Variants in ABCG8 observed in about 807,000 individuals in gnomAD.
ABCG8 encodes the protein ATP binding cassette subfamily G member 8, also known as ATP-binding cassette sub-family G member 8.
Under a neutral mutation model 71.3 loss-of-function variants are expected in ABCG8, and 81 were observed. That is an observed-to-expected ratio of 1.14 (90% CI 0.95 to 1.37). The LOEUF (loss-of-function observed/expected upper bound fraction) is 1.37, where lower values mean the gene tolerates loss of function less well. ABCG8 is among the 40% of genes most tolerant of loss of function. The probability of loss-of-function intolerance (pLI) is 0.00; values close to 1 mark genes in which losing one functional copy is unlikely to be tolerated. For synonymous variants in ABCG8, 451 were observed against 354.7 expected, an observed-to-expected ratio of 1.27 and a Z score of -3.05; for missense variants, 1,119 against 866.2, an observed-to-expected ratio of 1.29 and a Z score of -3.66.
intron 6 of ABCG8, among the ~76,000 whole-genome samples, chr2:43,853,538 G>T (rs1049910456): frequency 2.0e-5 from 3 of 151,256 alleles, no homozygotes; most frequent in Admixed American, 2.0e-4. Flanking sequence ...AGCTGTCATG[G>T]CTTATGCTAT....
At position 43,851,651 on chromosome 2, in the gene ABCG8, C is replaced by G; in HGVS notation, c.390C>G (p.Gly130=). Residue 130 remains glycine (G), a synonymous_variant, in exon 4 of 13, where the codon GGC becomes GGG. Transcript: ENST00000272286. ...GTCACGGCGGCAAGATCAAGTCAGG[C>G]CAGATCTGGATCAATGGGCAGCCCA... ...GRGHGGKIKS[G]QIWINGQPSS... 6.2e-7 allele frequency: 1 copy of G among 1,614,210 alleles called. No individual in the cohort carries two copies.
chr2:43,846,957 G>C (rs1306425010), intron 3 of ABCG8: 2 of 171,894 alleles, frequency 1.2e-5, no homozygotes, highest in Admixed American at 5.5e-5. Context: ...CTACTCCTCA[G>C]TGTGTCTAGA....
At chr2:43,867,745 C>A (rs537927708) in intron 6 of ABCG8, among the ~76,000 whole-genome samples, 2 of 150,654 alleles carry the variant, frequency 1.3e-5, no homozygotes, top group South Asian at 2.1e-4. Context: ...AATTCTCACC[C>A]TCTGGATAGA....
At chr2:43,852,036 C>T (rs1668935862) in intron 4 of ABCG8, among the ~76,000 whole-genome samples, 1 of 152,252 alleles carries the variant, frequency 6.6e-6, no homozygotes. Flanking sequence ...TGGTTCCCTT[C>T]ACTGCACTTG....
chr2:43,867,731 A>G (rs558543023), intron 6 of ABCG8, among the ~76,000 whole-genome samples: 2 of 152,240 alleles, frequency 1.3e-5, no homozygotes, highest in South Asian at 4.1e-4. Flanking sequence ...ATCAATCTGG[A>G]TAGAATTCTC....
chr2:43,841,853 C>T (rs542370580), intron 1 of ABCG8, among the ~76,000 whole-genome samples: 3 of 152,196 alleles, frequency 2.0e-5, no homozygotes, highest in Non-Finnish European at 4.4e-5. Flanking sequence ...TTCCTCAGCG[C>T]CTCCTCCATG....
chr2:43,863,652 G>C (rs560409054), intron 6 of ABCG8, among the ~76,000 whole-genome samples: 2 of 146,842 alleles, frequency 1.4e-5, no homozygotes, highest in Admixed American at 1.3e-4. Context: ...AACTCTCACT[G>C]TCTATCTTGA....
At chr2:43,866,104 C>A (rs1160108068) in intron 6 of ABCG8, among the ~76,000 whole-genome samples, 2 of 152,166 alleles carry the variant, frequency 1.3e-5, no homozygotes, top group African/African-American at 4.8e-5. Flanking sequence ...AAAGGATTCC[C>A]TATTTAATAA....
intron 6 of ABCG8, among the ~76,000 whole-genome samples, chr2:43,865,039 G>T (rs1288580291): frequency 6.6e-6 from 1 of 152,014 alleles, no homozygotes; most frequent in Non-Finnish European, 1.5e-5. Context: ...TATCTGGATA[G>T]AATTCTCACT....
rs141696243 is a variant in ABCG8 at position 43,846,254 on chromosome 2, C to T, written c.265C>T (p.Gln89Ter). 1 of 1,614,200 alleles carries T rather than the reference C, an allele frequency of 6.2e-7. No homozygotes were observed. Among genetic ancestry groups the T allele is most frequent in the Non-Finnish European group, 8.5e-7 (1 of 1,180,030 alleles). ...CCAGAATTCTTGTGAGCTGGGCATC[C>T]AGAACCTAAGCTTCAAAGTGAGAAG... ...SCQNSCELGI[Q>*]NLSFKVRSGQ... is the part of the protein sequence containing the mutation. The change falls in exon 3 of 13, where the codon CAG becomes TAG. Residue 89 changes from glutamine to a stop codon, truncating the protein, a stop_gained. Transcript: ENST00000272286. LOFTEE classifies it high-confidence loss of function.
intron 12 of ABCG8, 31 bp from the exon 13 acceptor site, chr2:43,877,745 T>A (rs1670010717): frequency 1.2e-6 from 2 of 1,613,986 alleles, no homozygotes; most frequent in Admixed American, 3.3e-5. Flanking sequence ...TCCATCCTCC[T>A]CATGAGCCCA....
rs1046256728 is a variant in ABCG8, at chr2:43,880,965, C to G, written c.*3052C>G. ...AGTCTGCAGCTGTCTTCCTCACACT[C>G]CCGTGGCCCACCACAACTTCCCCCC... On this transcript the variant is annotated 3_prime_UTR_variant, in exon 13 of 13. Coordinates refer to ENST00000272286, the MANE Select transcript of ABCG8 (RefSeq NM_022437.3). 1 of 152,404 alleles carries G rather than the reference C, an allele frequency of 6.6e-6. No individual in the cohort carries two copies. Among genetic ancestry groups the G allele is most frequent in the Non-Finnish European group, 1.5e-5 (1 of 68,144 alleles). The allele number at this position is 152,404 out of a possible 1,614,324, so 9.4% of individuals were successfully genotyped here. A position where few individuals can be genotyped will look rare whatever the true frequency, so the allele number is the denominator to read the frequency against.
rs900476667 is a variant in ABCG8, at chr2:43,879,719, C to T, written c.*1806C>T. On this transcript the variant is annotated 3_prime_UTR_variant, in exon 13 of 13. Coordinates refer to ENST00000272286, the MANE Select transcript of ABCG8 (RefSeq NM_022437.3). ...GTTTAGGAACAGTTTGTCAACTTTC[C>T]TTCACTTTTGTGACCTTGATACTTG... 3 of 152,162 alleles carry T rather than the reference C, an allele frequency of 2.0e-5. No homozygotes were observed. The South Asian group carries it at 6.2e-4, about 32-fold the overall frequency. 9.4% of individuals were successfully genotyped at this position (152,162 alleles called of 1,614,324 possible).
chr2:43,865,061 A>G (rs186768871), intron 6 of ABCG8, among the ~76,000 whole-genome samples: 19 of 151,168 alleles, frequency 1.3e-4, no homozygotes, highest in African/African-American at 4.1e-4. Flanking sequence ...TCTGGATAGA[A>G]CTCCCACTAT....
rs2104953015 is a variant in ABCG8, at chr2:43,878,129, CGAT to C, written c.*219_*221del. On this transcript the variant is annotated 3_prime_UTR_variant, in exon 13 of 13. Coordinates refer to ENST00000272286, the MANE Select transcript of ABCG8 (RefSeq NM_022437.3). The stretch of plus-strand genomic sequence containing the variant: ...ATTTCTGCTCACTGGCAGGAGACTG[CGAT>C]GACTGGGAGAAAACCTGCACTCGGT... 6.1e-6 allele frequency: 4 copies of C among 658,446 alleles called. No individual in the cohort carries two copies. Among genetic ancestry groups the C allele is most frequent in the Non-Finnish European group, 1.0e-5 (4 of 386,482 alleles). The allele number at this position is 658,446 out of a possible 1,614,324, so 40.8% of individuals were successfully genotyped here. A position where few individuals can be genotyped will look rare whatever the true frequency, so the allele number is the denominator to read the frequency against.
In ABCG8 at chr2:43,846,385, C is replaced by CT. The variant is rs1360667671; in HGVS notation, c.322+76dup. 2.4e-5 allele frequency: 38 copies of CT among 1,596,480 alleles called. No individual in the cohort carries two copies. In the Admixed American group the frequency reaches 4.3e-4, roughly 18 times the overall value. On this transcript the variant is annotated intron_variant, in intron 3 of 12. Coordinates refer to ENST00000272286, the MANE Select transcript of ABCG8 (RefSeq NM_022437.3). ...GAATGGTCCTTTGGACAAATGGATG[C>CT]TTCTTATGGAGCTCTTTGCTGACTA... is the stretch of plus-strand genomic sequence containing the variant.
intron 10 of ABCG8, 66 bp from the exon 11 acceptor site, chr2:43,875,080 T>G (rs1202851852): frequency 6.2e-7 from 1 of 1,611,158 alleles, no homozygotes; most frequent in African/African-American, 1.3e-5. Flanking sequence ...CTGCTACTTT[T>G]AAACGTTTAT....
Position 43,873,858 on chromosome 2 carries a change from C to G in ABCG8, c.1283C>G (p.Ser428Ter). 2 of 1,614,150 alleles carry G rather than the reference C, an allele frequency of 1.2e-6. No individual in the cohort carries two copies. The highest frequency in any genetic ancestry group is 1.7e-6 in the Non-Finnish European group (2 of 1,180,018). Residue 428 changes from serine to a stop codon, truncating the protein, a stop_gained, in exon 9 of 13, where the codon TCA becomes TGA. Coordinates refer to ENST00000272286, the MANE Select transcript of ABCG8 (RefSeq NM_022437.3). LOFTEE classifies it high-confidence loss of function. ...LIHGAEACLMSMTIGFLYFGH... is the reference protein window; with the variant it reads ...LIHGAEACLM ...CATGGGGCGGAGGCCTGTCTGATGT[C>G]AATGACCATCGGCTTCCTCTATTTT...
rs954078225 is a variant in ABCG8 at position 43,839,079 on chromosome 2, G to A, written c.26G>A (p.Arg9Lys). 2 of 1,551,102 alleles carry A rather than the reference G, an allele frequency of 1.3e-6. No individual in the cohort carries two copies. The highest frequency in any genetic ancestry group is 3.9e-5 in the Admixed American group (2 of 50,978). The change falls in exon 1 of 13, where the codon AGA becomes AAA. Residue 9 changes from arginine to lysine, a missense_variant. Coordinates refer to ENST00000272286, the MANE Select transcript of ABCG8 (RefSeq NM_022437.3). Reference sequence around the variant, plus strand: ...ATGGCCGGGAAGGCGGCAGAGGAGAGAGGGCTGCCGAAAGGGGCCACTCCC... The same window carrying A: ...ATGGCCGGGAAGGCGGCAGAGGAGAAAGGGCTGCCGAAAGGGGCCACTCCC... MAGKAAEERGLPKGATPQD... is the reference protein window; with the variant it reads MAGKAAEEKGLPKGATPQD...
Sources: allele counts gnomAD v4.1 joint callset (sites outside exome capture counted in the v4.1 genomes callset), GRCh38; gene constraint gnomAD v4.1.1; transcripts MANE v1.5; gene names NCBI Gene and HGNC (gene_info 2026-07-23, HGNC 2026-07-21).